PNLIPRP1: variants seen among roughly 807,000 people sequenced by gnomAD.
The protein encoded by PNLIPRP1 is inactive pancreatic lipase-related protein 1.
PNLIPRP1 carries 57 observed loss-of-function variants against 54.6 expected under a neutral mutation model. The ratio of observed to expected loss-of-function variants is 1.04; its 90% confidence interval spans 0.84 to 1.30. The LOEUF (loss-of-function observed/expected upper bound fraction) is 1.30. Among genes scored for constraint, PNLIPRP1 ranks in the 50% most tolerant of loss-of-function variants. The pLI is 0.00. For missense variants in PNLIPRP1, 567 were observed against 568.5 expected (o/e 1.00, Z 0.03); for synonymous variants, 232 against 208.8 (o/e 1.11, Z -0.96).
chr10:116,591,830 A>G lies in PNLIPRP1; in HGVS notation c.109A>G (p.Thr37Ala). The G allele has an allele frequency of 6.2e-7, 1 of 1,614,220 alleles. No individual in the cohort carries two copies. Among genetic ancestry groups the G allele is most frequent in the Non-Finnish European group, 8.5e-7 (1 of 1,180,040 alleles). The change falls in exon 3 of 13, where the codon ACA becomes GCA. Residue 37 changes from threonine to alanine, a missense_variant. Thr to Ala is a moderately conservative substitution (Grantham distance 58, BLOSUM62 0). Coordinates refer to ENST00000358834, the MANE Select transcript of PNLIPRP1 (RefSeq NM_006229.4). ...TTCTGACACTGAGCCCTGGGGCGGG[A>G]CAGCAATCAGGCCCCTGAAAATTCT... Reference protein sequence around the residue: ...CFSDTEPWGGTAIRPLKILPW... With the variant: ...CFSDTEPWGGAAIRPLKILPW...
chr10:116,595,046 C>T lies in PNLIPRP1; in HGVS notation c.465+182C>T. The T allele has an allele frequency of 7.4e-6, 5 of 671,912 alleles. No homozygotes were observed. In the South Asian group the frequency reaches 8.8e-5, roughly 12 times the overall value. The allele number at this position is 671,912 out of a possible 1,614,324, so 41.6% of individuals were successfully genotyped here. On this transcript the variant is annotated intron_variant, in intron 5 of 12. Transcript: ENST00000358834. Reference sequence around the variant, plus strand: ...CCAGTGGAAGCAAAAATAAGAATCGCTAACACTTAGAAAGTGGTTTTTTAA... The same window carrying T: ...CCAGTGGAAGCAAAAATAAGAATCGTTAACACTTAGAAAGTGGTTTTTTAA...
In PNLIPRP1 at chr10:116,591,762, T is replaced by C. The variant is rs1554863179; in HGVS notation, c.50-9T>C. ...CAAATCCTTGAGCAGATTCAACCTTTCTCTGTAGGAAAAGAAGTTTGCTAT... is the reference window on the plus strand; with the variant it reads ...CAAATCCTTGAGCAGATTCAACCTTCCTCTGTAGGAAAAGAAGTTTGCTAT... On this transcript the variant is annotated splice_polypyrimidine_tract_variant and intron_variant, in intron 2 of 12. Transcript: ENST00000358834. The C allele has an allele frequency of 6.2e-7, 1 of 1,613,934 alleles. No individual in the cohort carries two copies. The highest frequency in any genetic ancestry group is 8.5e-7 in the Non-Finnish European group (1 of 1,179,936).
At chr10:116,608,938 T>C in intron 12 of PNLIPRP1, 115 bp from the exon 13 acceptor site, 2 of 813,660 alleles carry the variant, frequency 2.5e-6, no homozygotes, top group Non-Finnish European at 2.2e-6. Flanking sequence ...AACTGTGACC[T>C]GGGCTTAACC....
chr10:116,605,967 G>A (rs1847930242), intron 12 of PNLIPRP1, among the ~76,000 whole-genome samples: 2 of 152,158 alleles, frequency 1.3e-5, no homozygotes, highest in Non-Finnish European at 2.9e-5. Context: ...TTTTACATAG[G>A]ACAAGAATGC....
chr10:116,602,878 C>T (rs112199810), intron 10 of PNLIPRP1, among the ~76,000 whole-genome samples: 1,863 of 152,034 alleles, frequency 0.012, 30 homozygotes, highest in African/African-American at 0.039. Context: ...TATGTATGTG[C>T]GTGGTTAAAT....
intron 4 of PNLIPRP1, chr10:116,594,441 A>G: frequency 3.8e-6 from 2 of 527,862 alleles, no homozygotes; most frequent in South Asian, 3.3e-5. Context: ...TCTTTTCATG[A>G]TGCAATTGTT....
rs782391692 is a variant in PNLIPRP1, at chr10:116,594,373, C to A, written c.331-357C>A. 7.7e-6 allele frequency: 4 copies of A among 519,786 alleles called. No homozygotes were observed. The East Asian group carries it at 1.6e-4, about 21-fold the overall frequency. The allele number at this position is 519,786 out of a possible 1,614,324, so 32.2% of individuals were successfully genotyped here. ...CCCCTTACAGTCAAATCCACAAGGT[C>A]ATTTAGACACTGGCCACCGGAGATT... On this transcript the variant is annotated intron_variant, in intron 4 of 12. Transcript: ENST00000358834.
intron 12 of PNLIPRP1, among the ~76,000 whole-genome samples, chr10:116,605,803 A>C (rs1847927517): frequency 6.6e-6 from 1 of 152,234 alleles, no homozygotes; most frequent in Admixed American, 6.5e-5. Context: ...AGGTAAAATG[A>C]GAAAATACAA....
chr10:116,604,673 TTCTC>T (rs1307968062), intron 11 of PNLIPRP1, among the ~76,000 whole-genome samples: 267 of 148,084 alleles, frequency 1.8e-3, no homozygotes, highest in African/African-American at 6.2e-3. Context: ...ATTTCGTCCT[TTCTC>T]TCTCTTTTTT....
At chr10:116,603,218 AAC>A (rs1236457535) in intron 10 of PNLIPRP1, among the ~76,000 whole-genome samples, 1 of 152,058 alleles carries the variant, frequency 6.6e-6, no homozygotes, top group Non-Finnish European at 1.5e-5. Context: ...GCAGAGAGGA[AAC>A]ACAGTCCCCG....
intron 5 of PNLIPRP1, chr10:116,595,869 G>A (rs1030308970): frequency 2.5e-5 from 5 of 203,314 alleles, no homozygotes; most frequent in Admixed American, 2.1e-4. Flanking sequence ...GGTCTCCCAA[G>A]GAAGAGACGT....
intron 6 of PNLIPRP1, among the ~76,000 whole-genome samples, chr10:116,597,495 T>C (rs1356341400): frequency 1.3e-5 from 2 of 152,164 alleles, no homozygotes; most frequent in African/African-American, 4.8e-5. Flanking sequence ...CACCCCTTTC[T>C]TTCTACAAGC....
At position 116,594,871 on chromosome 10, in the gene PNLIPRP1, C is replaced by G. The variant is rs370574921; in HGVS notation, c.465+7C>G. ...GATGCTCGACATCCTCTTGGTGAGT[C>G]AGCTGGCTGGCCTATGTGAGGAGGG... On this transcript the variant is annotated splice_region_variant and intron_variant, in intron 5 of 12. Coordinates refer to ENST00000358834, the MANE Select transcript of PNLIPRP1 (RefSeq NM_006229.4). 1 of 1,613,668 alleles carries G rather than the reference C, an allele frequency of 6.2e-7. No homozygotes were observed. Among genetic ancestry groups the G allele is most frequent in the Non-Finnish European group, 8.5e-7 (1 of 1,179,932 alleles).
chr10:116,596,047 G>C (rs1847729249), intron 5 of PNLIPRP1, 167 bp from the exon 6 acceptor site: 5 of 627,434 alleles, frequency 8.0e-6, no homozygotes, highest in African/African-American at 3.7e-5. Context: ...TAGAAAAATA[G>C]ATGATGAGTT....
rs115980087 is a variant in PNLIPRP1 at position 116,594,832 on chromosome 10, G to A, written c.433G>A (p.Ala145Thr). Residue 145 changes from alanine (A) to threonine (T), a missense_variant, in exon 5 of 13, where the codon GCC becomes ACC. By Grantham distance (58) the Ala-to-Thr change is moderately conservative. Coordinates refer to ENST00000358834, the MANE Select transcript of PNLIPRP1 (RefSeq NM_006229.4). Reference sequence around the variant, plus strand: ...TGCCAACAACGTGCGAGTGGTGGGCGCCCAGGTGGCCCAGATGCTCGACAT... The same window carrying A: ...TGCCAACAACGTGCGAGTGGTGGGCACCCAGGTGGCCCAGATGCTCGACAT... Reference protein sequence around the residue: ...QAANNVRVVGAQVAQMLDILL... With the variant: ...QAANNVRVVGTQVAQMLDILL... 2.2e-5 allele frequency: 35 copies of A among 1,614,022 alleles called. No homozygotes were observed. The highest frequency in any genetic ancestry group is 1.6e-4 in the Middle Eastern group (1 of 6,062).
intron 12 of PNLIPRP1, among the ~76,000 whole-genome samples, chr10:116,607,832 G>A (rs905300479): frequency 1.3e-5 from 2 of 152,110 alleles, no homozygotes; most frequent in Non-Finnish European, 2.9e-5. Flanking sequence ...GGGATGTTAC[G>A]TTCTTATCAT....
At chr10:116,602,996 A>G (rs149888415) in intron 10 of PNLIPRP1, among the ~76,000 whole-genome samples, 200 of 152,194 alleles carry the variant, frequency 1.3e-3, no homozygotes, top group African/African-American at 4.6e-3. Flanking sequence ...GTGCACGCAC[A>G]TGCATGTTTG....
intron 4 of PNLIPRP1, among the ~76,000 whole-genome samples, chr10:116,593,351 G>A (rs1401811938): frequency 4.6e-5 from 7 of 152,020 alleles, no homozygotes; most frequent in East Asian, 3.9e-4. Context: ...ACACATGTGC[G>A]TGCAATATAC....
At chr10:116,594,892 G>A (rs1554863744) in intron 5 of PNLIPRP1, 28 bp downstream of exon 5, 1 of 1,612,184 alleles carries the variant, frequency 6.2e-7, no homozygotes, top group Non-Finnish European at 8.5e-7. Flanking sequence ...CCTATGTGAG[G>A]AGGGAAGCAG....
Sources: allele counts gnomAD v4.1 joint callset (sites outside exome capture counted in the v4.1 genomes callset), GRCh38; gene constraint gnomAD v4.1.1; transcripts MANE v1.5; gene names NCBI Gene and HGNC (gene_info 2026-07-23, HGNC 2026-07-21).